LARP4B: variants seen among roughly 807,000 people sequenced by gnomAD.
LARP4B encodes the protein la-related protein 4B.
In LARP4B, 12 loss-of-function variants were observed where a neutral mutation model predicts 89.8. That is an observed-to-expected ratio of 0.13 (90% confidence interval 0.09 to 0.22). The LOEUF is 0.22. Among genes scored for constraint, LARP4B ranks in the 10% least tolerant of loss-of-function variants. The probability of loss-of-function intolerance (pLI) is 1.00; values close to 1 mark genes in which losing one functional copy is unlikely to be tolerated. For missense variants in LARP4B, 757 were observed against 947.7 expected (o/e 0.80, Z 2.64); for synonymous variants, 367 against 363.3 (o/e 1.01, Z -0.12).
chr10:985,578 C>T, the LARP4B span: 2 of 152,162 alleles, frequency 1.3e-5, no homozygotes, highest in South Asian at 2.1e-4. Context: ...ACCTTTGGCC[C>T]GGAGGGTGGC....
the LARP4B span, chr10:973,070 T>G: frequency 2.7e-6 from 1 of 364,304 alleles, no homozygotes; most frequent in South Asian, 2.1e-5. Context: ...CCCACTCAGC[T>G]GCTGACCCTG....
At chr10:844,931 C>T (rs41289277) in intron 6 of LARP4B, 46 bp downstream of exon 6, 14,025 of 1,392,946 alleles carry the variant, frequency 0.01, 91 homozygotes, top group Non-Finnish European at 0.012. Flanking sequence ...ACTATTTGCA[C>T]AATACTAGAA....
intron 1 of LARP4B, among the ~76,000 whole-genome samples, chr10:916,731 T>C (rs1836832810): frequency 6.6e-6 from 1 of 152,186 alleles, no homozygotes; most frequent in South Asian, 2.1e-4. Flanking sequence ...AAGGTCTTGC[T>C]CTGTTGTGCA....
At chr10:909,207 T>C (rs1239143087) in intron 1 of LARP4B, among the ~76,000 whole-genome samples, 1 of 144,584 alleles carries the variant, frequency 6.9e-6, no homozygotes, top group Non-Finnish European at 1.5e-5. Flanking sequence ...GGCAGGAGAA[T>C]GGCGTGAACC....
rs909174990 is a variant in LARP4B at position 884,399 on chromosome 10, C to A, written c.141+48G>T. 1.3e-5 allele frequency: 16 copies of A among 1,215,972 alleles called. No homozygotes were observed. In the African/African-American group the frequency reaches 1.3e-4, roughly 10 times the overall value. The allele number at this position is 1,215,972 out of a possible 1,614,324, so 75.3% of individuals were successfully genotyped here. On this transcript the variant is annotated intron_variant, in intron 3 of 17. Coordinates refer to ENST00000316157, the MANE Select transcript of LARP4B (RefSeq NM_015155.3). ...TTTTTCTTAAGGAAGTATCTCTGAG[C>A]CTTGACTGTGATTAAAAAATCTGTG...
At chr10:868,635 T>G (rs1433981455) in intron 3 of LARP4B, among the ~76,000 whole-genome samples, 1 of 152,226 alleles carries the variant, frequency 6.6e-6, no homozygotes, top group African/African-American at 2.4e-5. Flanking sequence ...TAACTGCAGA[T>G]TATCTTAAAG....
At chr10:940,640 T>A in the LARP4B span, among the ~76,000 whole-genome samples, 1 of 152,218 alleles carries the variant, frequency 6.6e-6, no homozygotes, top group Non-Finnish European at 1.5e-5. Flanking sequence ...AAGAAAGTTT[T>A]TGAAACAGAA....
chr10:849,358 G>T (rs1031866744), intron 5 of LARP4B, among the ~76,000 whole-genome samples: 3 of 152,220 alleles, frequency 2.0e-5, no homozygotes, highest in Non-Finnish European at 2.9e-5. Flanking sequence ...ACCCTATGTT[G>T]ATGGGGCATG....
At chr10:900,920 T>TTTTA (rs1491174508) in intron 1 of LARP4B, among the ~76,000 whole-genome samples, 2 of 78,438 alleles carry the variant, frequency 2.5e-5, no homozygotes, top group Non-Finnish European at 5.8e-5. Context: ...GCCTGGCCTC[T>TTTTA]TTTTTTTTTT....
intron 1 of LARP4B, among the ~76,000 whole-genome samples, chr10:926,199 A>C (rs780104686): frequency 6.6e-6 from 1 of 152,248 alleles, no homozygotes; most frequent in African/African-American, 2.4e-5. Context: ...CTCACTCACA[A>C]GGAGCTTACA....
the LARP4B span, among the ~76,000 whole-genome samples, chr10:950,170 A>AT: frequency 1.3e-4 from 19 of 151,990 alleles, no homozygotes; most frequent in East Asian, 3.7e-3. Flanking sequence ...TATTCAGAAT[A>AT]TTTTCTCTCA....
chr10:841,156 A>C (rs1588892154), intron 7 of LARP4B, among the ~76,000 whole-genome samples: 1 of 152,216 alleles, frequency 6.6e-6, no homozygotes, highest in African/African-American at 2.4e-5. Flanking sequence ...CCATCTCAAA[A>C]ATAAATAAAT....
the LARP4B span, among the ~76,000 whole-genome samples, chr10:958,349 G>A: frequency 1.4e-4 from 21 of 152,286 alleles, no homozygotes; most frequent in South Asian, 4.1e-4. Flanking sequence ...CAGACACCCC[G>A]TGAAAGCACC....
At chr10:828,112 G>A (rs1224132687) in intron 11 of LARP4B, among the ~76,000 whole-genome samples, 1 of 152,106 alleles carries the variant, frequency 6.6e-6, no homozygotes, top group Non-Finnish European at 1.5e-5. Flanking sequence ...CTTCCCACAA[G>A]CACTAGGCCA....
chr10:890,613 T>C (rs1835986969), intron 1 of LARP4B, among the ~76,000 whole-genome samples: 1 of 152,208 alleles, frequency 6.6e-6, no homozygotes, highest in Admixed American at 6.5e-5. Flanking sequence ...CGGGAACATC[T>C]GGACTGAGAT....
the LARP4B span, among the ~76,000 whole-genome samples, chr10:970,786 A>G: frequency 1.1e-3 from 161 of 152,196 alleles, no homozygotes; most frequent in African/African-American, 3.7e-3. Context: ...AGACATTTGA[A>G]GTACATGTTG....
At position 829,123 on chromosome 10, in the gene LARP4B, T is replaced by C. The variant is rs1832767026; in HGVS notation, c.1125+262A>G. Among the ~76,000 whole-genome samples the C allele has an allele frequency of 2.0e-5, 3 of 152,196 alleles. No homozygotes were observed. The South Asian group carries it at 6.2e-4, about 32-fold the overall frequency. On this transcript the variant is annotated intron_variant, in intron 11 of 17. Coordinates refer to ENST00000316157, the MANE Select transcript of LARP4B (RefSeq NM_015155.3). ...GGGGACGCCAGGTACACTACAGCAC[T>C]TATCGCCCTCTGCGTCTTGCTAAGA...
At chr10:848,883 C>A (rs948008734) in intron 5 of LARP4B, among the ~76,000 whole-genome samples, 1 of 152,158 alleles carries the variant, frequency 6.6e-6, no homozygotes, top group Non-Finnish European at 1.5e-5. Context: ...AACACGTATG[C>A]TGTTTTGCTT....
intron 5 of LARP4B, among the ~76,000 whole-genome samples, chr10:860,551 T>G (rs1834545894): frequency 6.6e-6 from 1 of 152,238 alleles, no homozygotes; most frequent in Admixed American, 6.5e-5. Flanking sequence ...CACTTTTTAT[T>G]GGCAAAGCCA....
Sources: allele counts gnomAD v4.1 joint callset (sites outside exome capture counted in the v4.1 genomes callset), GRCh38; gene constraint gnomAD v4.1.1; transcripts MANE v1.5; gene names NCBI Gene and HGNC (gene_info 2026-07-23, HGNC 2026-07-21).